Variants in ABCD3 observed in about 807,000 individuals in gnomAD.
ABCD3 encodes ATP-binding cassette sub-family D member 3.
Under a neutral mutation model 105.5 loss-of-function variants are expected in ABCD3, and 41 were observed. That is an observed-to-expected ratio of 0.39 (90% CI 0.30 to 0.50). The LOEUF (loss-of-function observed/expected upper bound fraction) is 0.50. Ranked by LOEUF, ABCD3 falls within the 20% of genes least tolerant of loss-of-function variation. The pLI is 0.84. For missense variants in ABCD3, 622 were observed against 806.3 expected, an observed-to-expected ratio of 0.77 and a Z score of 2.77; for synonymous variants, 258 against 269.0, an observed-to-expected ratio of 0.96 and a Z score of 0.40.
At chr1:94,508,413 A>G (rs1034830927) in intron 21 of ABCD3, among the ~76,000 whole-genome samples, 7 of 152,072 alleles carry the variant, frequency 4.6e-5, no homozygotes, top group Non-Finnish European at 1.0e-4. Flanking sequence ...TATGGTTTGA[A>G]GTCAGGTAGT....
the ABCD3 span, among the ~76,000 whole-genome samples, chr1:94,398,839 A>G: frequency 1.3e-5 from 2 of 152,132 alleles, no homozygotes; most frequent in South Asian, 2.1e-4. Flanking sequence ...ACTTGAACCC[A>G]GGAGGCAGAG....
intron 21 of ABCD3, among the ~76,000 whole-genome samples, chr1:94,511,931 G>A (rs866758761): frequency 2.6e-5 from 4 of 152,148 alleles, no homozygotes; most frequent in Middle Eastern, 3.4e-3. Context: ...TTTGCCTTTG[G>A]TTTGAATTTC....
At chr1:94,417,576 C>T (rs1016375947), upstream of ABCD3, among the ~76,000 whole-genome samples, 6 of 152,234 alleles carry the variant, frequency 3.9e-5, no homozygotes, top group African/African-American at 1.4e-4. Context: ...TAATACAACG[C>T]ACGATTGTTA....
At chr1:94,488,915 T>C (rs969317757) in intron 13 of ABCD3, among the ~76,000 whole-genome samples, 23 of 151,756 alleles carry the variant, frequency 1.5e-4, no homozygotes, top group African/African-American at 5.3e-4. Context: ...CTTTCTCTTT[T>C]TTCCACTTTG....
rs121917999 is a variant in ABCD3, at chr1:94,418,528, G to A, written c.50G>A (p.Gly17Asp). The A allele has an allele frequency of 6.2e-7, 1 of 1,605,796 alleles. No homozygotes were observed. Residue 17 changes from glycine to aspartate, a missense_variant, in exon 1 of 23, where the codon GGT (glycine) becomes GAT (aspartate). Gly to Asp is a moderately conservative substitution (Grantham distance 94). Transcript: ENST00000370214. ...YLTARNSSLA[G>D]AAFLLLCLLH... The stretch of plus-strand genomic sequence containing the variant: ...ACGGCGCGAAACTCCTCGCTGGCTG[G>A]TGCCGCGTTCCTGCTGCTCTGCCTG...
chr1:94,418,379 C>G (rs1448996875), upstream of ABCD3: 1 of 1,105,578 alleles, frequency 9.0e-7, no homozygotes, highest in Non-Finnish European at 1.3e-6. Flanking sequence ...GCCCCGCCCT[C>G]TGCTCTCCTC....
the ABCD3 span, among the ~76,000 whole-genome samples, chr1:94,388,156 A>C: frequency 6.6e-6 from 1 of 152,210 alleles, no homozygotes; most frequent in South Asian, 2.1e-4. Flanking sequence ...TCAAGGAAGC[A>C]AGGGATAGAC....
At chr1:94,476,925 G>GTA (rs1475201200) in intron 7 of ABCD3, among the ~76,000 whole-genome samples, 1 of 151,700 alleles carries the variant, frequency 6.6e-6, no homozygotes, top group Non-Finnish European at 1.5e-5. Flanking sequence ...ATGTGTGTGT[G>GTA]TATGCATGCA....
At chr1:94,399,808 G>A in the ABCD3 span, among the ~76,000 whole-genome samples, 6 of 152,204 alleles carry the variant, frequency 3.9e-5, no homozygotes, top group South Asian at 2.1e-4. Flanking sequence ...GTATTTGGGG[G>A]AGGACTCCAT....
At chr1:94,416,976 C>T (rs1659043115), upstream of ABCD3, among the ~76,000 whole-genome samples, 1 of 152,208 alleles carries the variant, frequency 6.6e-6, no homozygotes, top group African/African-American at 2.4e-5. Context: ...CTTTGTTGAA[C>T]CTAAACACAA....
intron 1 of ABCD3, among the ~76,000 whole-genome samples, chr1:94,431,679 G>T (rs1381268292): frequency 1.3e-5 from 2 of 152,100 alleles, no homozygotes; most frequent in African/African-American, 4.8e-5. Flanking sequence ...TCCCACCTCA[G>T]CCTCCTGAGT....
At chr1:94,425,300 T>C (rs189252826) in intron 1 of ABCD3, among the ~76,000 whole-genome samples, 19 of 152,364 alleles carry the variant, frequency 1.2e-4, no homozygotes, top group Admixed American at 7.2e-4. Flanking sequence ...TTTACAGTTA[T>C]AACGTACATG....
chr1:94,478,678 G>T (rs1033881318), intron 8 of ABCD3: 7 of 911,532 alleles, frequency 7.7e-6, no homozygotes, highest in Non-Finnish European at 9.4e-6. Context: ...AGCGAGACCC[G>T]CTTCTTTAAA....
intron 13 of ABCD3, among the ~76,000 whole-genome samples, chr1:94,489,374 T>C (rs17410745): frequency 0.042 from 6,340 of 152,120 alleles, 185 homozygotes; most frequent in South Asian, 0.12. Flanking sequence ...CAGCAAGAGA[T>C]CAGAGTCCAT....
At chr1:94,497,416 C>G (rs1232506606) in intron 16 of ABCD3, among the ~76,000 whole-genome samples, 2 of 152,152 alleles carry the variant, frequency 1.3e-5, no homozygotes, top group Admixed American at 6.6e-5. Context: ...TTGTTAAAGG[C>G]AGGTTACCAG....
chr1:94,445,382 C>T (rs1052568807), intron 1 of ABCD3, among the ~76,000 whole-genome samples: 2 of 152,122 alleles, frequency 1.3e-5, no homozygotes, highest in Non-Finnish European at 2.9e-5. Context: ...AGCAGGAGGA[C>T]ACCCGGGTAC....
chr1:94,498,631 T>C lies in ABCD3; in HGVS notation c.1416T>C (p.Cys472=). 1 of 1,613,832 alleles carries C rather than the reference T, an allele frequency of 6.2e-7. No homozygotes were observed. Among genetic ancestry groups the C allele is most frequent in the South Asian group, 1.1e-5 (1 of 91,060 alleles). The change falls in exon 17 of 23, where the codon TGT becomes TGC. Residue 472 remains cysteine, a synonymous_variant. Transcript: ENST00000370214. ...EVRSGANVLI[C]GPNGCGKSSL... ...GATCTGGGGCTAATGTTCTAATTTGTGGTCCAAATGGCTGCGGAAAGAGTT... is the reference window on the plus strand; with the variant it reads ...GATCTGGGGCTAATGTTCTAATTTGCGGTCCAAATGGCTGCGGAAAGAGTT...
At chr1:94,448,652 T>C (rs1439721288) in intron 1 of ABCD3, among the ~76,000 whole-genome samples, 1 of 152,252 alleles carries the variant, frequency 6.6e-6, no homozygotes, top group Non-Finnish European at 1.5e-5. Flanking sequence ...AATGCTCAGT[T>C]ATGTTTTCTT....
chr1:94,418,487 C>A lies in ABCD3; in HGVS notation c.9C>A (p.Ala3=). The part of the protein sequence containing the change: MA[A]FSKYLTARNS... ...CTGGTACCGGCAGTGCCATGGCGGC[C>A]TTCAGCAAGTACTTGACGGCGCGAA... is the stretch of plus-strand genomic sequence containing the variant. The change falls in exon 1 of 23, where the codon GCC becomes GCA. Residue 3 remains alanine, a synonymous_variant. Transcript: ENST00000370214. The A allele has an allele frequency of 6.2e-7, 1 of 1,601,714 alleles. No individual in the cohort carries two copies. The highest frequency in any genetic ancestry group is 1.3e-5 in the African/African-American group (1 of 74,892).
Sources: gnomAD v4.1 joint callset for allele counts (sites outside exome capture counted in the v4.1 genomes callset) on GRCh38, gnomAD v4.1.1 for gene constraint, MANE v1.5 for transcripts, NCBI Gene and HGNC (gene_info 2026-07-23, HGNC 2026-07-21) for gene names.